KCNMB2: variants seen among roughly 807,000 people sequenced by gnomAD.
KCNMB2 encodes the protein calcium-activated potassium channel subunit beta-2.
A neutral mutation model predicts 24.5 loss-of-function variants in KCNMB2; 9 were observed. The observed-to-expected ratio is 0.37, with a 90% CI of 0.22 to 0.64. The LOEUF (loss-of-function observed/expected upper bound fraction) is 0.64, where lower values mean the gene tolerates loss of function less well. Ranked by LOEUF, KCNMB2 falls within the 30% of genes least tolerant of loss-of-function variation. KCNMB2 has a pLI of 0.63. For missense variants in KCNMB2, 226 were observed against 284.3 expected, an observed-to-expected ratio of 0.79 and a Z score of 1.47; for synonymous variants, 109 against 104.4, an observed-to-expected ratio of 1.04 and a Z score of -0.27.
At chr3:178,628,857 T>C (rs905037487) in intron 1 of KCNMB2, among the ~76,000 whole-genome samples, 1 of 152,168 alleles carries the variant, frequency 6.6e-6, no homozygotes, top group Non-Finnish European at 1.5e-5. Context: ...ATTATAGCCA[T>C]TATATTTATA....
chr3:178,659,505 T>C (rs1338163734), intron 1 of KCNMB2, among the ~76,000 whole-genome samples: 1 of 152,232 alleles, frequency 6.6e-6, no homozygotes, highest in Non-Finnish European at 1.5e-5. Context: ...ATATCCATGA[T>C]ATATTTTCTG....
At position 178,842,795 on chromosome 3, in the gene KCNMB2, A is replaced by G. The variant is rs1715473142; in HGVS notation, c.566A>G (p.Lys189Arg). The change falls in exon 5 of 5, where the codon AAA becomes AGA. Residue 189 changes from lysine to arginine, a missense_variant. By Grantham distance (26) the Lys-to-Arg change is conservative. Transcript: ENST00000452583. Reference protein sequence around the residue: ...EGNQKSVILTKLYSSNVLFHS... With the variant: ...EGNQKSVILTRLYSSNVLFHS... ...AACCAGAAGAGTGTTATCCTAACAA[A>G]ACTCTACAGTTCCAACGTGCTGTTC... 1.9e-6 allele frequency: 3 copies of G among 1,613,838 alleles called. No individual in the cohort carries two copies. The highest frequency in any genetic ancestry group is 1.3e-5 in the African/African-American group (1 of 74,910).
At chr3:178,581,653 G>A (rs1717209360) in intron 1 of KCNMB2, among the ~76,000 whole-genome samples, 1 of 151,880 alleles carries the variant, frequency 6.6e-6, no homozygotes, top group Admixed American at 6.6e-5. Context: ...TCTACAAGGA[G>A]CTTAAACAAA....
intron 1 of KCNMB2, among the ~76,000 whole-genome samples, chr3:178,662,374 T>G (rs1434752117): frequency 6.6e-6 from 1 of 152,140 alleles, no homozygotes; most frequent in Non-Finnish European, 1.5e-5. Context: ...AAAAAAGTTT[T>G]GAAAAACGAT....
At chr3:178,712,873 T>C (rs951516432) in intron 1 of KCNMB2, among the ~76,000 whole-genome samples, 6 of 152,206 alleles carry the variant, frequency 3.9e-5, no homozygotes, top group African/African-American at 1.4e-4. Context: ...CATCTGTGAA[T>C]TGGGAATACT....
At chr3:178,724,143 G>A (rs971686860) in intron 1 of KCNMB2, among the ~76,000 whole-genome samples, 2 of 151,884 alleles carry the variant, frequency 1.3e-5, no homozygotes, top group Admixed American at 6.6e-5. Context: ...CCTCACCAAC[G>A]TCTGTTTTTG....
intron 1 of KCNMB2, among the ~76,000 whole-genome samples, chr3:178,653,558 C>T (rs934844372): frequency 6.6e-6 from 1 of 152,034 alleles, no homozygotes; most frequent in Non-Finnish European, 1.5e-5. Flanking sequence ...TGATATGTAG[C>T]TTCTATAGAG....
At chr3:178,704,501 C>A (rs13060090) in intron 1 of KCNMB2, among the ~76,000 whole-genome samples, 50,038 of 152,032 alleles carry the variant, frequency 0.33, 8,984 homozygotes, top group African/African-American at 0.48. Flanking sequence ...TCAAGTGTTC[C>A]ATTGTCATAT....
intron 1 of KCNMB2, among the ~76,000 whole-genome samples, chr3:178,644,502 G>A (rs577106782): frequency 2.0e-5 from 3 of 152,308 alleles, no homozygotes; most frequent in East Asian, 3.9e-4. Flanking sequence ...GAGACACCTG[G>A]AACTCCACCT....
At chr3:178,790,912 C>T (rs116166869) in intron 1 of KCNMB2, among the ~76,000 whole-genome samples, 60 of 152,296 alleles carry the variant, frequency 3.9e-4, no homozygotes, top group African/African-American at 1.4e-3. Flanking sequence ...CTTGAGGTAT[C>T]CCATAATGCA....
intron 1 of KCNMB2, among the ~76,000 whole-genome samples, chr3:178,586,840 C>T (rs564641466): frequency 2.6e-5 from 4 of 152,054 alleles, no homozygotes; most frequent in African/African-American, 7.2e-5. Context: ...CCACTATGCC[C>T]GGCCCAAAAT....
chr3:178,567,165 G>T (rs73052502), intron 1 of KCNMB2, among the ~76,000 whole-genome samples: 5,538 of 152,280 alleles, frequency 0.036, 334 homozygotes, highest in African/African-American at 0.13. Context: ...GAAGCAGAAA[G>T]ATCAATGGAA....
intron 4 of KCNMB2, among the ~76,000 whole-genome samples, chr3:178,834,036 T>C (rs1360190747): frequency 1.3e-5 from 2 of 152,192 alleles, no homozygotes; most frequent in Admixed American, 1.3e-4. Flanking sequence ...AAACCTCTTT[T>C]ACTCACCAGG....
chr3:178,666,806 C>A (rs530417981), intron 1 of KCNMB2, among the ~76,000 whole-genome samples: 10 of 152,222 alleles, frequency 6.6e-5, no homozygotes, highest in African/African-American at 2.2e-4. Context: ...ATTGTATCCC[C>A]CCATCCAAAG....
intron 1 of KCNMB2, among the ~76,000 whole-genome samples, chr3:178,588,253 G>C (rs922857657): frequency 1.2e-4 from 19 of 152,150 alleles, no homozygotes; most frequent in African/African-American, 4.6e-4. Flanking sequence ...CAAAAAAAAG[G>C]CCTCATTCCA....
intron 1 of KCNMB2, among the ~76,000 whole-genome samples, chr3:178,797,926 G>C (rs1026179896): frequency 6.8e-6 from 1 of 147,624 alleles, no homozygotes; most frequent in African/African-American, 2.6e-5. Context: ...TTATGATTTG[G>C]CTCTCTGCTT....
intron 1 of KCNMB2, among the ~76,000 whole-genome samples, chr3:178,568,816 TAATA>T (rs1318042587): frequency 0.039 from 1,911 of 48,616 alleles, 23 homozygotes; most frequent in African/African-American, 0.068. Context: ...GATAGATAGA[TAATA>T]GATAGATAGA....
intron 1 of KCNMB2, among the ~76,000 whole-genome samples, chr3:178,580,577 G>A (rs1486046777): frequency 6.6e-6 from 1 of 152,182 alleles, no homozygotes; most frequent in African/African-American, 2.4e-5. Context: ...AAGTCAAATT[G>A]TCTCTGTTTG....
At chr3:178,541,231 C>T (rs1348189719) in intron 1 of KCNMB2, among the ~76,000 whole-genome samples, 1 of 152,140 alleles carries the variant, frequency 6.6e-6, no homozygotes, top group Non-Finnish European at 1.5e-5. Flanking sequence ...AATAAAAATT[C>T]AATTTGTCTG....
Sources: gnomAD v4.1 joint callset for allele counts (sites outside exome capture counted in the v4.1 genomes callset) on GRCh38, gnomAD v4.1.1 for gene constraint, MANE v1.5 for transcripts, NCBI Gene and HGNC (gene_info 2026-07-23, HGNC 2026-07-21) for gene names.